Variants in LMF1 observed in about 807,000 individuals in gnomAD.
The protein encoded by LMF1 is lipase maturation factor 1.
A neutral mutation model predicts 60.6 loss-of-function variants in LMF1; 68 were observed. The ratio of observed to expected loss-of-function variants is 1.12; its 90% CI spans 0.92 to 1.37. LMF1 has a LOEUF of 1.37. Ranked by LOEUF, LMF1 falls within the 40% of genes most tolerant of loss-of-function variation. The probability of loss-of-function intolerance (pLI) is 0.00; values close to 1 mark genes in which losing one functional copy is unlikely to be tolerated. For missense variants in LMF1, 948 were observed against 767.2 expected, an observed-to-expected ratio of 1.24 and a Z score of -2.78; for synonymous variants, 418 against 324.7, an observed-to-expected ratio of 1.29 and a Z score of -3.09.
chr16:931,567 G>A (rs774188901), intron 3 of LMF1: 3 of 1,212,088 alleles, frequency 2.5e-6, no homozygotes, highest in South Asian at 2.6e-5. Context: ...CCTCCCCAGA[G>A]GTCTCAGATC....
At chr16:871,981 C>T (rs1436536826) in intron 6 of LMF1, 1 of 152,326 alleles carries the variant, frequency 6.6e-6, no homozygotes, top group Non-Finnish European at 1.5e-5. Context: ...GTGAGTAAAC[C>T]TGCGGCAGGA....
At chr16:880,925 A>C (rs992132805) in intron 5 of LMF1, among the ~76,000 whole-genome samples, 1 of 152,216 alleles carries the variant, frequency 6.6e-6, no homozygotes, top group Non-Finnish European at 1.5e-5. Context: ...CTCAGGGCTG[A>C]AGGCCTTGCT....
upstream of LMF1, chr16:981,343 A>AGTGTGTGTGT (rs1567354240): frequency 1.3e-5 from 3 of 232,502 alleles, no homozygotes; most frequent in Admixed American, 1.3e-4. Flanking sequence ...AGAGAGAGAG[A>AGTGTGTGTGT]GAGAGTGTGT....
chr16:919,987 T>G (rs2071390176), intron 3 of LMF1, among the ~76,000 whole-genome samples: 1 of 152,124 alleles, frequency 6.6e-6, no homozygotes, highest in African/African-American at 2.4e-5. Context: ...GGACAGGACA[T>G]CCACACTGGC....
Position 979,716 on chromosome 16 carries a change from AG to A in LMF1, c.-135+1428del, listed in dbSNP as rs754747315. The stretch of plus-strand genomic sequence containing the variant: ...CTTTGGCAAAGAGAGCTCTCCACGG[AG>A]GTCCTCACCCGGATGGCACTGTGAG... On this transcript the variant is annotated intron_variant, in intron 1 of 6. Transcript: ENST00000570014. 88 of 454,116 alleles carry A rather than the reference AG, an allele frequency of 1.9e-4. No homozygotes were observed. In the Middle Eastern group the frequency reaches 4.8e-3, roughly 25 times the overall value. 28.1% of individuals were successfully genotyped at this position (454,116 alleles called of 1,614,324 possible). A position where few individuals can be genotyped will look rare whatever the true frequency, so the allele number is the denominator to read the frequency against.
intron 2 of LMF1, among the ~76,000 whole-genome samples, chr16:940,297 A>C (rs1227488140): frequency 6.6e-6 from 1 of 152,188 alleles, no homozygotes; most frequent in Non-Finnish European, 1.5e-5. Context: ...GGTCACGGTC[A>C]TGGCTGCAGA....
rs891799116 is a variant in LMF1 at position 855,321 on chromosome 16, A to T, written c.1530-615T>A. The T allele has an allele frequency of 1.7e-4, 44 of 265,432 alleles. 1 individual carries two copies. Among genetic ancestry groups the T allele is most frequent in the African/African-American group, 8.9e-4 (40 of 44,706 alleles). 16.4% of individuals were successfully genotyped at this position (265,432 alleles called of 1,614,324 possible). On this transcript the variant is annotated intron_variant, in intron 10 of 10. Transcript: ENST00000262301. ...CCTCTGTCATGCCCGAGTGGGATGA[A>T]GGCCCCCACCCCCATCTCCCCTGGA...
intron 1 of LMF1, chr16:976,364 C>G (rs529884866): frequency 3.3e-5 from 15 of 453,996 alleles, no homozygotes; most frequent in Non-Finnish European, 5.7e-5. Flanking sequence ...AGGTGTCTGG[C>G]GTCAGACAGC....
At chr16:963,504 T>G (rs1256988240) in intron 1 of LMF1, among the ~76,000 whole-genome samples, 2 of 152,018 alleles carry the variant, frequency 1.3e-5, no homozygotes, top group Non-Finnish European at 2.9e-5. Flanking sequence ...CGTGTGCACA[T>G]GTACACATGT....
intron 5 of LMF1, among the ~76,000 whole-genome samples, chr16:890,322 C>T (rs1232668744): frequency 5.3e-5 from 8 of 152,250 alleles, no homozygotes; most frequent in East Asian, 1.9e-4. Context: ...TCCTGGGCCC[C>T]GTCCCAACTC....
At chr16:981,059 G>A in intron 1 of LMF1, 1 of 238,674 alleles carries the variant, frequency 4.2e-6, no homozygotes, top group Non-Finnish European at 8.6e-6. Context: ...CCGCGCCCCC[G>A]CCCGCGCTCT....
intron 10 of LMF1, among the ~76,000 whole-genome samples, chr16:862,517 T>A (rs1306986095): frequency 6.6e-6 from 1 of 152,180 alleles, no homozygotes; most frequent in African/African-American, 2.4e-5. Context: ...ATTATTTTCT[T>A]GTATTATCTT....
chr16:918,037 G>A (rs558011300), intron 3 of LMF1, among the ~76,000 whole-genome samples: 3 of 152,366 alleles, frequency 2.0e-5, no homozygotes, highest in South Asian at 2.1e-4. Flanking sequence ...GACGTGGCGC[G>A]GGGCGGCTGG....
In LMF1 at chr16:853,835, T is replaced by C. The variant is rs900635187; in HGVS notation, c.*697A>G. 4.4e-6 allele frequency: 2 copies of C among 454,132 alleles called. No homozygotes were observed. Among genetic ancestry groups the C allele is most frequent in the South Asian group, 3.1e-5 (2 of 64,480 alleles). The allele number at this position is 454,132 out of a possible 1,614,324, so 28.1% of individuals were successfully genotyped here. ...CGAGGTCACAGCCTGGTGGAGGGTC[T>C]GGGTGTGCGCTGTGTCCATCTGCAC... On this transcript the variant is annotated 3_prime_UTR_variant, in exon 11 of 11. Transcript: ENST00000262301.
chr16:875,479 T>C (rs1684137842), intron 6 of LMF1, among the ~76,000 whole-genome samples: 1 of 152,150 alleles, frequency 6.6e-6, no homozygotes, highest in South Asian at 2.1e-4. Context: ...AGCTCAGCCC[T>C]CAAGTGACTC....
intron 10 of LMF1, among the ~76,000 whole-genome samples, chr16:858,380 A>C (rs1407628782): frequency 2.6e-4 from 7 of 27,366 alleles, no homozygotes; most frequent in Non-Finnish European, 3.1e-4. Context: ...GACGGGTGTG[A>C]GTGGTGTCTC....
At chr16:860,488 T>TG (rs2069428983) in intron 10 of LMF1, among the ~76,000 whole-genome samples, 1 of 152,044 alleles carries the variant, frequency 6.6e-6, no homozygotes. Context: ...TACAGGCATG[T>TG]GCCACCAGGC....
chr16:882,874 G>A (rs2070202059), intron 5 of LMF1, among the ~76,000 whole-genome samples: 1 of 148,638 alleles, frequency 6.7e-6, no homozygotes, highest in African/African-American at 2.6e-5. Flanking sequence ...GCAGGACCAG[G>A]AGAAAGAGGA....
At chr16:964,288 T>G (rs1290341313) in intron 1 of LMF1, among the ~76,000 whole-genome samples, 1 of 132,304 alleles carries the variant, frequency 7.6e-6, no homozygotes, top group Non-Finnish European at 1.6e-5. Flanking sequence ...AAAGTGAAAC[T>G]CTGTCTCAAA....
Sources: gnomAD v4.1 joint callset for allele counts (sites outside exome capture counted in the v4.1 genomes callset) on GRCh38, gnomAD v4.1.1 for gene constraint, MANE v1.5 for transcripts, NCBI Gene and HGNC (gene_info 2026-07-23, HGNC 2026-07-21) for gene names.